The following LRRC2 variants were observed in gnomAD, a reference collection of about 807,000 sequenced individuals.
The protein encoded by LRRC2 is leucine rich repeat containing 2, also known as leucine-rich repeat-containing protein 2.
Under a neutral mutation model 40.2 loss-of-function variants are expected in LRRC2, and 27 were observed. The ratio of observed to expected loss-of-function variants is 0.67; its 90% CI spans 0.49 to 0.93. The LOEUF (loss-of-function observed/expected upper bound fraction) is 0.93. LRRC2 is among the 40% of genes least tolerant of loss of function. LRRC2 has a pLI of 0.00. For synonymous variants in LRRC2, 147 were observed against 158.9 expected (o/e 0.92, Z 0.56); for missense variants, 402 against 439.6 (o/e 0.91, Z 0.76).
chr3:46,521,740 T>C (rs1703968061), intron 7 of LRRC2, 82 bp from the exon 8 acceptor site: 2 of 1,384,622 alleles, frequency 1.4e-6, no homozygotes, highest in African/African-American at 2.9e-5. Context: ...ATAACCTCTG[T>C]TATCCCAAGT....
intron 1 of LRRC2, among the ~76,000 whole-genome samples, chr3:46,551,881 G>A (rs1704664598): frequency 6.6e-6 from 1 of 150,712 alleles, no homozygotes; most frequent in African/African-American, 2.4e-5. Context: ...TCCAACTGCA[G>A]CCTCAACCTC....
At chr3:46,534,049 G>A (rs566864376) in intron 4 of LRRC2, among the ~76,000 whole-genome samples, 1 of 151,842 alleles carries the variant, frequency 6.6e-6, no homozygotes, top group Non-Finnish European at 1.5e-5. Flanking sequence ...ACATGCATTA[G>A]GTATTTATCC....
intron 1 of LRRC2, among the ~76,000 whole-genome samples, chr3:46,553,636 C>T (rs1303060510): frequency 6.6e-6 from 1 of 152,030 alleles, no homozygotes; most frequent in Non-Finnish European, 1.5e-5. Context: ...CACAGTCGTG[C>T]GTCACCACAC....
chr3:46,564,192 G>A (rs767442212), intron 1 of LRRC2, among the ~76,000 whole-genome samples: 2 of 152,020 alleles, frequency 1.3e-5, no homozygotes, highest in Admixed American at 1.3e-4. Flanking sequence ...TGGGGGAGGG[G>A]TTGGGAGAGT....
chr3:46,564,235 G>A (rs73073704), intron 1 of LRRC2, among the ~76,000 whole-genome samples: 18,794 of 151,616 alleles, frequency 0.12, 1,836 homozygotes, highest in African/African-American at 0.26. Context: ...GGAAAGGGCT[G>A]ACAGGGCAGG....
At chr3:46,554,502 G>A (rs147663457) in intron 1 of LRRC2, among the ~76,000 whole-genome samples, 431 of 152,066 alleles carry the variant, frequency 2.8e-3, no homozygotes, top group African/African-American at 0.01. Flanking sequence ...AAAATTAGCC[G>A]GGCATGGTGG....
intron 1 of LRRC2, among the ~76,000 whole-genome samples, chr3:46,552,689 C>G (rs1459932824): frequency 1.3e-5 from 2 of 152,096 alleles, no homozygotes; most frequent in African/African-American, 4.8e-5. Flanking sequence ...CAGCCCTCAT[C>G]ATCTGAGGCC....
chr3:46,519,090 C>T, intron 8 of LRRC2, 27 bp from the exon 9 acceptor site: 1 of 1,511,654 alleles, frequency 6.6e-7, no homozygotes, highest in Non-Finnish European at 9.2e-7. Context: ...AAAGTATGCT[C>T]AATCATTCAC....
intron 3 of LRRC2, among the ~76,000 whole-genome samples, chr3:46,543,399 G>A (rs915806537): frequency 6.6e-5 from 10 of 151,962 alleles, no homozygotes; most frequent in Admixed American, 4.6e-4. Context: ...GGCGGATCAC[G>A]AGGTCAGGAG....
intron 8 of LRRC2, among the ~76,000 whole-genome samples, chr3:46,520,960 C>A (rs114968889): frequency 6.6e-6 from 1 of 152,128 alleles, no homozygotes; most frequent in Non-Finnish European, 1.5e-5. Flanking sequence ...AAACAGCCGC[C>A]GGAATCTGGC....
chr3:46,536,913 T>C (rs1242822997), intron 4 of LRRC2, among the ~76,000 whole-genome samples: 2 of 152,194 alleles, frequency 1.3e-5, no homozygotes, highest in African/African-American at 4.8e-5. Flanking sequence ...GCACCTCTGA[T>C]GACATTTCAG....
intron 2 of LRRC2, among the ~76,000 whole-genome samples, chr3:46,546,116 C>T (rs6442004): frequency 0.081 from 12,269 of 152,228 alleles, 573 homozygotes; most frequent in South Asian, 0.17. Context: ...GGGAACCTGG[C>T]GGCAGTCAGG....
intron 1 of LRRC2, among the ~76,000 whole-genome samples, chr3:46,554,516 A>G (rs113779449): frequency 0.048 from 7,345 of 151,992 alleles, 275 homozygotes; most frequent in South Asian, 0.15. Flanking sequence ...ATGGTGGTGC[A>G]CACCTGTAGT....
intron 8 of LRRC2, 134 bp downstream of exon 8, chr3:46,521,388 G>A: frequency 3.1e-6 from 2 of 640,824 alleles, no homozygotes; most frequent in South Asian, 2.2e-5. Flanking sequence ...GAGGGTAAAT[G>A]GAAAAATAAT....
chr3:46,529,476 G>A (rs1704120084), intron 6 of LRRC2, among the ~76,000 whole-genome samples: 1 of 152,076 alleles, frequency 6.6e-6, no homozygotes, highest in Admixed American at 6.5e-5. Flanking sequence ...TGAAAACCTG[G>A]CTAAGCATAT....
At position 46,532,802 on chromosome 3, in the gene LRRC2, T is replaced by A. The variant is rs765968310; in HGVS notation, c.598A>T (p.Asn200Tyr). 1.4e-5 allele frequency: 23 copies of A among 1,613,776 alleles called. 1 individual carries two copies. The South Asian group carries it at 2.5e-4, about 18-fold the overall frequency. Residue 200 changes from asparagine (N) to tyrosine (Y), a missense_variant, in exon 5 of 9, where the codon AAT becomes TAT. Coordinates refer to ENST00000395905, the MANE Select transcript of LRRC2 (RefSeq NM_024512.5). ...AAGGGCAGCTCCATTAATTCTAGATTTCCAGAACAATCCAGTCTCTCTAGA... is the reference window on the plus strand; with the variant it reads ...AAGGGCAGCTCCATTAATTCTAGATATCCAGAACAATCCAGTCTCTCTAGA... ...ENLERLDCSG[N>Y]LELMELPFEL...
chr3:46,521,710 T>G (rs769290228), intron 7 of LRRC2, 52 bp from the exon 8 acceptor site: 99 of 1,538,832 alleles, frequency 6.4e-5, no homozygotes, highest in Non-Finnish European at 8.1e-5. Flanking sequence ...CGTTTTAAAC[T>G]GCAAAATTCC....
In LRRC2 at chr3:46,551,508, C is replaced by T. The variant is rs1323077460; in HGVS notation, c.84G>A (p.Gln28=). 6.2e-7 allele frequency: 1 copy of T among 1,613,998 alleles called. No homozygotes were observed. Among genetic ancestry groups the T allele is most frequent in the Non-Finnish European group, 8.5e-7 (1 of 1,180,008 alleles). ...TCTCAAGCCTTTCCACCTCCTTCTT[C>T]TGCCAAGCTTTGTGCTTCTTGACAC... The part of the protein sequence containing the change: ...ETRVKKHKAW[Q]KKEVERLEKS... The change falls in exon 2 of 9, where the codon CAG becomes CAA. Residue 28 remains glutamine, a synonymous_variant. Transcript: ENST00000395905.
intron 1 of LRRC2, among the ~76,000 whole-genome samples, chr3:46,563,094 A>ATGTG (rs879907542): frequency 0.034 from 5,138 of 152,022 alleles, 192 homozygotes; most frequent in South Asian, 0.15. Context: ...GCACACACAC[A>ATGTG]CATGCATGCA....
Sources: allele counts gnomAD v4.1 joint callset (sites outside exome capture counted in the v4.1 genomes callset), GRCh38; gene constraint gnomAD v4.1.1; transcripts MANE v1.5; gene names NCBI Gene and HGNC (gene_info 2026-07-23, HGNC 2026-07-21).